CTNND2: variants seen among roughly 807,000 people sequenced by gnomAD.
CTNND2 encodes catenin delta 2.
A neutral mutation model predicts 144.4 loss-of-function variants in CTNND2; 22 were observed. That is an observed-to-expected ratio of 0.15 (90% CI 0.11 to 0.22). CTNND2 has a LOEUF of 0.22. Among genes scored for constraint, CTNND2 ranks in the 10% least tolerant of loss-of-function variants. The pLI is 1.00. For synonymous variants in CTNND2, 751 were observed against 695.6 expected (o/e 1.08, Z -1.25); for missense variants, 1,353 against 1,618.8 (o/e 0.84, Z 2.82).
chr5:11,717,065 G>T (rs947653171), intron 2 of CTNND2, among the ~76,000 whole-genome samples: 1 of 151,080 alleles, frequency 6.6e-6, no homozygotes, highest in Non-Finnish European at 1.5e-5. Context: ...ACGGGGTTTC[G>T]CCATGTTGGC....
intron 2 of CTNND2, among the ~76,000 whole-genome samples, chr5:11,709,084 C>G (rs1046998919): frequency 9.2e-5 from 14 of 152,068 alleles, no homozygotes; most frequent in Non-Finnish European, 1.9e-4. Flanking sequence ...GGCAGTGCAT[C>G]GACTGTTCCC....
At chr5:11,189,618 A>G (rs1661420001) in intron 11 of CTNND2, among the ~76,000 whole-genome samples, 3 of 152,220 alleles carry the variant, frequency 2.0e-5, no homozygotes, top group Admixed American at 1.3e-4. Context: ...TACATAAAAT[A>G]TATGTAAATT....
intron 9 of CTNND2, among the ~76,000 whole-genome samples, chr5:11,253,652 T>C (rs556864994): frequency 2.8e-3 from 425 of 152,300 alleles, no homozygotes; most frequent in Non-Finnish European, 4.6e-3. Context: ...TTATCAGCAG[T>C]GTGAAAACAG....
intron 11 of CTNND2, among the ~76,000 whole-genome samples, chr5:11,168,061 C>T (rs1347461041): frequency 6.6e-6 from 1 of 151,996 alleles, no homozygotes; most frequent in African/African-American, 2.4e-5. Context: ...TTTTCAGAGC[C>T]TGAATTAATT....
intron 10 of CTNND2, among the ~76,000 whole-genome samples, chr5:11,211,449 A>C (rs1456237706): frequency 1.3e-5 from 2 of 152,210 alleles, no homozygotes; most frequent in Non-Finnish European, 2.9e-5. Context: ...CTTTTGACTG[A>C]TTGACAGGAG....
At chr5:11,693,577 A>G (rs1785004320) in intron 2 of CTNND2, among the ~76,000 whole-genome samples, 1 of 152,260 alleles carries the variant, frequency 6.6e-6, no homozygotes, top group Non-Finnish European at 1.5e-5. Flanking sequence ...GCACTTAGGA[A>G]TTAACAAATC....
chr5:11,429,395 T>C (rs1005517279), intron 3 of CTNND2, among the ~76,000 whole-genome samples: 1 of 152,252 alleles, frequency 6.6e-6, no homozygotes, highest in Non-Finnish European at 1.5e-5. Flanking sequence ...CAGCAGCAGC[T>C]GTCATGAGCA....
At chr5:10,976,229 T>C (rs1235612637) in intron 21 of CTNND2, among the ~76,000 whole-genome samples, 2 of 152,222 alleles carry the variant, frequency 1.3e-5, no homozygotes, top group South Asian at 2.1e-4. Context: ...TCTTGTGGTA[T>C]GGACGTTTGC....
At position 11,346,225 on chromosome 5, in the gene CTNND2, C is replaced by T. The variant is rs551124019; in HGVS notation, c.1628+147G>A. On this transcript the variant is annotated intron_variant, in intron 9 of 21. Coordinates refer to ENST00000304623, the MANE Select transcript of CTNND2 (RefSeq NM_001332.4). ...ACTAGGGATCCATTGCAAGCACACA[C>T]ATTCCAAGTCAAACAAAAGAAAACC... The T allele has an allele frequency of 3.8e-4, 250 of 653,984 alleles. No homozygotes were observed. In the African/African-American group the frequency reaches 4.2e-3, roughly 11 times the overall value. 40.5% of individuals were successfully genotyped at this position (653,984 alleles called of 1,614,324 possible).
intron 12 of CTNND2, among the ~76,000 whole-genome samples, chr5:11,117,972 C>G (rs1047151602): frequency 6.6e-6 from 1 of 152,210 alleles, no homozygotes; most frequent in Non-Finnish European, 1.5e-5. Context: ...TTTTAGACAT[C>G]TAAATTTGTC....
At chr5:11,880,952 C>T (rs1315601619) in intron 1 of CTNND2, among the ~76,000 whole-genome samples, 2 of 148,042 alleles carry the variant, frequency 1.4e-5, no homozygotes, top group Non-Finnish European at 3.0e-5. Flanking sequence ...AATACTACTA[C>T]TACTACCACT....
At chr5:11,090,593 ACT>A (rs1259225608) in intron 15 of CTNND2, among the ~76,000 whole-genome samples, 2 of 152,204 alleles carry the variant, frequency 1.3e-5, no homozygotes, top group East Asian at 3.9e-4. Flanking sequence ...TCCTCATGAG[ACT>A]TTAATTCCTG....
At chr5:10,994,756 G>C (rs1271129692) in intron 18 of CTNND2, among the ~76,000 whole-genome samples, 5 of 152,128 alleles carry the variant, frequency 3.3e-5, no homozygotes, top group Admixed American at 6.5e-5. Context: ...GAAAGCTCTG[G>C]GTGTCCAGGA....
At position 11,351,670 on chromosome 5, in the gene CTNND2, C is replaced by T. The variant is rs557703444; in HGVS notation, c.1373-5043G>A. Reference sequence around the variant, plus strand: ...ACAGAATAAAATACAAGAATCTGGGCACACAGTTACAGAAACTTGGTGGGG... The same window carrying T: ...ACAGAATAAAATACAAGAATCTGGGTACACAGTTACAGAAACTTGGTGGGG... On this transcript the variant is annotated intron_variant, in intron 8 of 21. Transcript: ENST00000304623. Among the ~76,000 whole-genome samples, 8 of 151,986 alleles carry T rather than the reference C, an allele frequency of 5.3e-5. No homozygotes were observed. The South Asian group carries it at 8.3e-4, about 16-fold the overall frequency.
At chr5:11,037,596 A>G (rs1744222510) in intron 16 of CTNND2, among the ~76,000 whole-genome samples, 1 of 152,228 alleles carries the variant, frequency 6.6e-6, no homozygotes, top group Admixed American at 6.5e-5. Context: ...AACAAGGATT[A>G]ATTACCTCAA....
chr5:11,203,208 T>G (rs997689462), intron 10 of CTNND2, among the ~76,000 whole-genome samples: 4 of 152,240 alleles, frequency 2.6e-5, no homozygotes, highest in African/African-American at 9.6e-5. Context: ...ACACTTAAAA[T>G]GTACAACTTT....
intron 3 of CTNND2, chr5:11,508,409 A>T (rs1771286212): frequency 6.6e-6 from 1 of 152,186 alleles, no homozygotes; most frequent in Non-Finnish European, 1.5e-5. Flanking sequence ...ACAGATGTAG[A>T]GGTAGGGAGG....
chr5:11,428,986 T>C (rs1461768861), intron 3 of CTNND2, among the ~76,000 whole-genome samples: 1 of 152,170 alleles, frequency 6.6e-6, no homozygotes, highest in African/African-American at 2.4e-5. Context: ...TTAACTTATA[T>C]TTTTATATCT....
chr5:11,611,736 C>T (rs1056850800), intron 2 of CTNND2, among the ~76,000 whole-genome samples: 1 of 152,174 alleles, frequency 6.6e-6, no homozygotes, highest in Non-Finnish European at 1.5e-5. Flanking sequence ...CGAGATCGCG[C>T]CAATGCACTC....
Sources: gnomAD v4.1 joint callset for allele counts (sites outside exome capture counted in the v4.1 genomes callset) on GRCh38, gnomAD v4.1.1 for gene constraint, MANE v1.5 for transcripts, NCBI Gene and HGNC (gene_info 2026-07-23, HGNC 2026-07-21) for gene names.